The following SPIN1 variants were observed in gnomAD, a reference collection of about 807,000 sequenced individuals.
SPIN1 encodes the protein spindlin 1.
In SPIN1, 3 loss-of-function variants were observed where a neutral mutation model predicts 26.0. The ratio of observed to expected loss-of-function variants is 0.12; its 90% confidence interval spans 0.05 to 0.30. The LOEUF is 0.30. Among genes scored for constraint, SPIN1 ranks in the 10% least tolerant of loss-of-function variants. The pLI is 1.00. For synonymous variants in SPIN1, 101 were observed against 116.5 expected, an observed-to-expected ratio of 0.87 and a Z score of 0.86; for missense variants, 126 against 333.4, an observed-to-expected ratio of 0.38 and a Z score of 4.84.
intron 5 of SPIN1, among the ~76,000 whole-genome samples, chr9:88,471,257 A>G (rs1158568897): frequency 6.6e-6 from 1 of 151,696 alleles, no homozygotes; most frequent in Non-Finnish European, 1.5e-5. Context: ...TTTCAAGTTA[A>G]TTTTTGTTTG....
chr9:88,449,654 T>C (rs1465414506), intron 3 of SPIN1, among the ~76,000 whole-genome samples: 2 of 152,182 alleles, frequency 1.3e-5, no homozygotes, highest in Non-Finnish European at 2.9e-5. Flanking sequence ...AATTATAATA[T>C]TCACTTTTAC....
Position 88,440,440 on chromosome 9 carries a change from T to C in SPIN1, c.53-8501T>C, listed in dbSNP as rs543205116. 3.5e-4 allele frequency among the ~76,000 whole-genome samples: 54 copies of C among 152,358 alleles called. 1 individual carries two copies. The East Asian group carries it at 9.8e-3, about 28-fold the overall frequency. ...TCCCAAAGTGCTGGGATTACGGGCG[T>C]GAGCCCCGTGCCCAGCCAGTTAAGT... On this transcript the variant is annotated intron_variant, in intron 2 of 5. Coordinates refer to ENST00000375859, the MANE Select transcript of SPIN1 (RefSeq NM_006717.3).
chr9:88,438,553 CTA>C (rs1208868090), intron 2 of SPIN1, among the ~76,000 whole-genome samples: 2 of 152,054 alleles, frequency 1.3e-5, no homozygotes, highest in Non-Finnish European at 2.9e-5. Context: ...TTAGATTTGA[CTA>C]TAGATCAAAT....
intron 2 of SPIN1, among the ~76,000 whole-genome samples, chr9:88,433,178 C>T (rs1827917813): frequency 6.6e-6 from 1 of 152,172 alleles, no homozygotes; most frequent in African/African-American, 2.4e-5. Flanking sequence ...CTCCCAGGCT[C>T]AAGAGATCCT....
At chr9:88,396,708 C>T (rs770176918) in intron 1 of SPIN1, among the ~76,000 whole-genome samples, 1 of 152,130 alleles carries the variant, frequency 6.6e-6, no homozygotes. Context: ...TATAGCTTTA[C>T]ATCCCTTAAC....
At chr9:88,407,349 T>G (rs1234597122) in intron 1 of SPIN1, among the ~76,000 whole-genome samples, 5 of 151,962 alleles carry the variant, frequency 3.3e-5, no homozygotes, top group African/African-American at 1.2e-4. Flanking sequence ...TTTGCCATAT[T>G]GCCCAGGCTG....
intron 1 of SPIN1, among the ~76,000 whole-genome samples, chr9:88,394,313 T>C (rs1827006561): frequency 6.6e-6 from 1 of 152,220 alleles, no homozygotes; most frequent in African/African-American, 2.4e-5. Context: ...CTTTGTGCTT[T>C]TCCTGCCAAA....
At chr9:88,433,674 C>T (rs1323674964) in intron 2 of SPIN1, among the ~76,000 whole-genome samples, 1 of 152,136 alleles carries the variant, frequency 6.6e-6, no homozygotes, top group Non-Finnish European at 1.5e-5. Context: ...TTTCTTATTT[C>T]TCTTTTAAGT....
chr9:88,434,810 ACT>A (rs1827966747), intron 2 of SPIN1, among the ~76,000 whole-genome samples: 1 of 151,808 alleles, frequency 6.6e-6, no homozygotes, highest in Admixed American at 6.6e-5. Flanking sequence ...TAATCCCAAC[ACT>A]CTGGGAGGCC....
At chr9:88,448,885 T>A (rs908440184) in intron 2 of SPIN1, 56 bp from the exon 3 acceptor site, 2 of 1,534,512 alleles carry the variant, frequency 1.3e-6, no homozygotes, top group Non-Finnish European at 1.8e-6. Context: ...ATTTCCTGCA[T>A]TCTGAGGTAT....
intron 4 of SPIN1, among the ~76,000 whole-genome samples, chr9:88,466,367 AG>A (rs1245392735): frequency 6.6e-6 from 1 of 152,162 alleles, no homozygotes; most frequent in Non-Finnish European, 1.5e-5. Flanking sequence ...TATGTTGCCC[AG>A]GCTGGTCTCA....
chr9:88,476,786 T>C lies in SPIN1; in HGVS notation c.*1509T>C, dbSNP rs1828895910. 2 of 152,216 alleles carry C rather than the reference T, an allele frequency of 1.3e-5. No individual in the cohort carries two copies. Among genetic ancestry groups the C allele is most frequent in the South Asian group, 4.1e-4 (2 of 4,824 alleles). 9.4% of individuals were successfully genotyped at this position (152,216 alleles called of 1,614,324 possible). A position where few individuals can be genotyped will look rare whatever the true frequency, so the allele number is the denominator to read the frequency against. On this transcript the variant is annotated 3_prime_UTR_variant, in exon 6 of 6. Transcript: ENST00000375859. The stretch of plus-strand genomic sequence containing the variant: ...TGACAGCCAGGAGAAAGGCCATATG[T>C]GAAACCAGTCTCTTGTGGAGATTGG...
At chr9:88,462,808 CTTT>C in intron 4 of SPIN1, 59 bp downstream of exon 4, 1 of 1,495,436 alleles carries the variant, frequency 6.7e-7, no homozygotes, top group Non-Finnish European at 9.0e-7. Context: ...GAACTGGATG[CTTT>C]TTTTATTTTA....
intron 1 of SPIN1, chr9:88,410,849 C>A (rs1363067790): frequency 1.1e-6 from 1 of 913,402 alleles, no homozygotes; most frequent in African/African-American, 1.6e-5. Context: ...AAACCACCTC[C>A]ACGACCACCA....
intron 1 of SPIN1, among the ~76,000 whole-genome samples, chr9:88,390,509 C>A (rs1019841794): frequency 2.0e-5 from 3 of 152,252 alleles, no homozygotes; most frequent in Admixed American, 2.0e-4. Context: ...TTGCTAGCAT[C>A]TTTTTTCTAG....
chr9:88,388,696 G>T (rs1385868020), intron 1 of SPIN1, among the ~76,000 whole-genome samples, 158 bp downstream of exon 1: 2 of 148,560 alleles, frequency 1.3e-5, no homozygotes, highest in Admixed American at 1.3e-4. Context: ...GCCCCCTGCC[G>T]GCTGGGCCGC....
At chr9:88,466,214 A>G (rs1828665195) in intron 4 of SPIN1, among the ~76,000 whole-genome samples, 1 of 152,072 alleles carries the variant, frequency 6.6e-6, no homozygotes, top group Non-Finnish European at 1.5e-5. Context: ...GCTGGAGTAT[A>G]GTGGTGTGAT....
intron 4 of SPIN1, among the ~76,000 whole-genome samples, chr9:88,466,743 TTTG>T (rs1394006824): frequency 1.3e-5 from 2 of 152,092 alleles, no homozygotes; most frequent in South Asian, 2.1e-4. Flanking sequence ...TGTTGTTGTT[TTTG>T]TTGTTGTTAA....
At chr9:88,441,661 G>A (rs1003355091) in intron 2 of SPIN1, among the ~76,000 whole-genome samples, 4 of 151,434 alleles carry the variant, frequency 2.6e-5, no homozygotes, top group Non-Finnish European at 4.4e-5. Flanking sequence ...AGGTTGAGGC[G>A]GGAGGACCGC....
Sources: gnomAD v4.1 joint callset for allele counts (sites outside exome capture counted in the v4.1 genomes callset) on GRCh38, gnomAD v4.1.1 for gene constraint, MANE v1.5 for transcripts, NCBI Gene and HGNC (gene_info 2026-07-23, HGNC 2026-07-21) for gene names.